RPF2: variants seen among roughly 807,000 people sequenced by gnomAD.
RPF2 encodes brix domain containing 1.
Under a neutral mutation model 38.9 loss-of-function variants are expected in RPF2, and 21 were observed. The ratio of observed to expected loss-of-function variants is 0.54; its 90% CI spans 0.38 to 0.78. RPF2 has a LOEUF of 0.78. RPF2 is among the 30% of genes least tolerant of loss of function. The probability of loss-of-function intolerance (pLI) is 0.00; values close to 1 mark genes in which losing one functional copy is unlikely to be tolerated. For synonymous variants in RPF2, 121 were observed against 126.2 expected, an observed-to-expected ratio of 0.96 and a Z score of 0.28; for missense variants, 314 against 358.1, an observed-to-expected ratio of 0.88 and a Z score of 0.99.
chr6:110,987,305 C>G (rs115915163), intron 2 of RPF2, among the ~76,000 whole-genome samples: 3,782 of 152,080 alleles, frequency 0.025, 135 homozygotes, highest in African/African-American at 0.088. Flanking sequence ...ATGATCTGTC[C>G]GCCTCGGCCT....
Position 111,026,113 on chromosome 6 carries a change from G to T in RPF2, c.*531G>T. On this transcript the variant is annotated 3_prime_UTR_variant, in exon 10 of 10. Transcript: ENST00000441448. ...TCTCTGAGAGGGATGTCTGCTATCTGATTATTGATAAATTACACTACTGTT... is the reference window on the plus strand; with the variant it reads ...TCTCTGAGAGGGATGTCTGCTATCTTATTATTGATAAATTACACTACTGTT... The T allele has an allele frequency of 6.6e-6, 1 of 152,398 alleles. No homozygotes were observed. The highest frequency in any genetic ancestry group is 1.9e-4 in the East Asian group (1 of 5,186). 9.4% of individuals were successfully genotyped at this position (152,398 alleles called of 1,614,324 possible).
chr6:111,023,507 G>T (rs1449924763), intron 8 of RPF2, among the ~76,000 whole-genome samples: 1 of 152,076 alleles, frequency 6.6e-6, no homozygotes, highest in Non-Finnish European at 1.5e-5. Flanking sequence ...AGATGAAGAA[G>T]TCAAATCAAA....
rs770770080 is a variant in RPF2 at position 110,997,219 on chromosome 6, A to G, written c.271A>G (p.Met91Val). ...AAAGAAGTCAGATTGTTCTTTATTC[A>G]TGTTTGGCTCCCATAATAAGAAGCG... ...FSKKSDCSLF[M>V]FGSHNKKRPN... Residue 91 changes from methionine to valine, a missense_variant, in exon 5 of 10, where the codon ATG becomes GTG. Coordinates refer to ENST00000441448, the MANE Select transcript of RPF2 (RefSeq NM_032194.3). 19 of 1,602,352 alleles carry G rather than the reference A, an allele frequency of 1.2e-5. No individual in the cohort carries two copies. The Admixed American group carries it at 2.8e-4, about 24-fold the overall frequency.
chr6:111,005,473 A>G (rs1017609401), intron 6 of RPF2, among the ~76,000 whole-genome samples: 3 of 152,030 alleles, frequency 2.0e-5, no homozygotes, highest in African/African-American at 7.3e-5. Context: ...ATCACATTCT[A>G]TTTGGTGTAG....
Position 111,008,089 on chromosome 6 carries a change from G to T in RPF2, c.445G>T (p.Asp149Tyr), listed in dbSNP as rs781008230. 2 of 1,598,534 alleles carry T rather than the reference G, an allele frequency of 1.3e-6. No homozygotes were observed. The highest frequency in any genetic ancestry group is 1.1e-5 in the South Asian group (1 of 89,080). Residue 149 changes from aspartate (D) to tyrosine (Y), a missense_variant, in exon 7 of 10, where the codon GAT (aspartate) becomes TAT (tyrosine). Asp to Tyr is a radical substitution (Grantham distance 160, BLOSUM62 -3). Coordinates refer to ENST00000441448, the MANE Select transcript of RPF2 (RefSeq NM_032194.3). ...ACCCATGCTGATATTTGCTGGCGATGATTTCGATGTAACAGAAGATTATAG... is the reference window on the plus strand; with the variant it reads ...ACCCATGCTGATATTTGCTGGCGATTATTTCGATGTAACAGAAGATTATAG... ...TKPMLIFAGD[D>Y]FDVTEDYRRL...
intron 6 of RPF2, among the ~76,000 whole-genome samples, chr6:111,003,220 C>T (rs1257101513): frequency 6.6e-6 from 1 of 151,932 alleles, no homozygotes; most frequent in Non-Finnish European, 1.5e-5. Flanking sequence ...GTCTTTAAGA[C>T]GTTGTGCTAG....
At chr6:110,990,485 C>A (rs1370850333) in intron 3 of RPF2, among the ~76,000 whole-genome samples, 1 of 151,560 alleles carries the variant, frequency 6.6e-6, no homozygotes, top group African/African-American at 2.4e-5. Context: ...TTGTGCTTTC[C>A]TCATATATTC....
At chr6:111,005,463 AT>A (rs986496538) in intron 6 of RPF2, among the ~76,000 whole-genome samples, 1 of 152,116 alleles carries the variant, frequency 6.6e-6, no homozygotes, top group African/African-American at 2.4e-5. Context: ...TTTTAATCAC[AT>A]CACATTCTAT....
intron 7 of RPF2, among the ~76,000 whole-genome samples, chr6:111,010,114 ATT>A (rs1165544491): frequency 5.8e-5 from 8 of 138,430 alleles, no homozygotes; most frequent in African/African-American, 2.1e-4. Context: ...CTGTCCCTCA[ATT>A]TTTTTTTTTT....
At chr6:111,022,748 A>G (rs1211149467) in intron 8 of RPF2, among the ~76,000 whole-genome samples, 1 of 152,230 alleles carries the variant, frequency 6.6e-6, no homozygotes, top group African/African-American at 2.4e-5. Flanking sequence ...TGCTTTTGGC[A>G]GTGTATAGTA....
intron 6 of RPF2, among the ~76,000 whole-genome samples, chr6:111,007,766 G>T (rs575802774): frequency 6.6e-6 from 1 of 151,976 alleles, no homozygotes; most frequent in Non-Finnish European, 1.5e-5. Flanking sequence ...CCAGCATGAT[G>T]AAACCCAGTC....
chr6:111,010,147 A>G (rs1173162268), intron 7 of RPF2, among the ~76,000 whole-genome samples: 1 of 97,706 alleles, frequency 1.0e-5, no homozygotes, highest in African/African-American at 4.1e-5. Flanking sequence ...TTTTCTTTTT[A>G]GACAGCATCT....
At chr6:111,022,270 A>C (rs1006836643) in intron 8 of RPF2, among the ~76,000 whole-genome samples, 3 of 152,228 alleles carry the variant, frequency 2.0e-5, no homozygotes, top group African/African-American at 7.2e-5. Flanking sequence ...AAAATGAGGA[A>C]ATTACAATTT....
At chr6:110,999,915 C>T in intron 6 of RPF2, 128 bp downstream of exon 6, 2 of 560,494 alleles carry the variant, frequency 3.6e-6, no homozygotes, top group Non-Finnish European at 3.2e-6. Context: ...TGACATGCTC[C>T]AGGATAAAAA....
At chr6:110,990,064 G>A (rs948639790) in intron 3 of RPF2, among the ~76,000 whole-genome samples, 3 of 151,722 alleles carry the variant, frequency 2.0e-5, no homozygotes, top group African/African-American at 4.8e-5. Context: ...TCAACCTCCC[G>A]AGTAACTGGG....
At chr6:110,997,367 G>A (rs1158723255) in intron 5 of RPF2, 103 bp downstream of exon 5, 5 of 683,180 alleles carry the variant, frequency 7.3e-6, no homozygotes, top group Non-Finnish European at 1.3e-5. Context: ...CCTCTTCAGA[G>A]GAAATAATTC....
chr6:111,001,209 T>C (rs1465646470), intron 6 of RPF2, among the ~76,000 whole-genome samples: 4 of 152,212 alleles, frequency 2.6e-5, no homozygotes, highest in Non-Finnish European at 4.4e-5. Flanking sequence ...AGTCAATGGC[T>C]TCCTTGACCT....
chr6:111,000,892 A>G (rs527258801), intron 6 of RPF2, among the ~76,000 whole-genome samples: 21 of 152,364 alleles, frequency 1.4e-4, no homozygotes, highest in East Asian at 5.8e-4. Context: ...AGAAGGTTAT[A>G]TAACTGCTCT....
At chr6:111,023,645 T>G (rs1481789125) in intron 8 of RPF2, among the ~76,000 whole-genome samples, 2 of 152,044 alleles carry the variant, frequency 1.3e-5, no homozygotes, top group Non-Finnish European at 2.9e-5. Context: ...AAAAAAAAAT[T>G]TTTAATTTGA....
Sources: gnomAD v4.1 joint callset for allele counts (sites outside exome capture counted in the v4.1 genomes callset) on GRCh38, gnomAD v4.1.1 for gene constraint, MANE v1.5 for transcripts, NCBI Gene and HGNC (gene_info 2026-07-23, HGNC 2026-07-21) for gene names.